The following RTN4IP1 variants were observed in gnomAD, a reference collection of about 807,000 sequenced individuals.
RTN4IP1 encodes the protein NAD(P)H oxidoreductase RTN4IP1, mitochondrial.
Under a neutral mutation model 46.6 loss-of-function variants are expected in RTN4IP1, and 32 were observed. That is an observed-to-expected ratio of 0.69 (90% confidence interval 0.52 to 0.92). The LOEUF (loss-of-function observed/expected upper bound fraction) is 0.92. Ranked by LOEUF, RTN4IP1 falls within the 40% of genes least tolerant of loss-of-function variation. The pLI is 0.00. For missense variants in RTN4IP1, 424 were observed against 485.8 expected, an observed-to-expected ratio of 0.87 and a Z score of 1.20; for synonymous variants, 167 against 161.8, an observed-to-expected ratio of 1.03 and a Z score of -0.24.
chr6:106,574,155 T>C (rs1775159618), intron 8 of RTN4IP1, among the ~76,000 whole-genome samples: 1 of 152,162 alleles, frequency 6.6e-6, no homozygotes, highest in Non-Finnish European at 1.5e-5. Flanking sequence ...AATGCATTGA[T>C]GTTTCTCGGC....
chr6:106,579,682 T>C (rs11153009), intron 8 of RTN4IP1, among the ~76,000 whole-genome samples: 32,679 of 151,990 alleles, frequency 0.22, 4,431 homozygotes, highest in East Asian at 0.3. Flanking sequence ...GTGCTCATTA[T>C]TGTGGATATT....
chr6:106,599,695 T>C (rs955618962), intron 5 of RTN4IP1, among the ~76,000 whole-genome samples: 1 of 152,150 alleles, frequency 6.6e-6, no homozygotes, highest in Non-Finnish European at 1.5e-5. Flanking sequence ...ATTTTACTGT[T>C]GATGGACATT....
chr6:106,599,527 A>G (rs1172667486), intron 5 of RTN4IP1, among the ~76,000 whole-genome samples: 1 of 151,208 alleles, frequency 6.6e-6, no homozygotes, highest in East Asian at 2.0e-4. Flanking sequence ...CTTGTTCTTG[A>G]ATGTCATTAA....
chr6:106,620,443 C>T (rs563783840), intron 3 of RTN4IP1, among the ~76,000 whole-genome samples: 2 of 152,284 alleles, frequency 1.3e-5, no homozygotes, highest in Admixed American at 1.3e-4. Flanking sequence ...TTCTGGGCAA[C>T]AGTAGGCTAT....
chr6:106,576,274 T>A (rs1775223920), intron 8 of RTN4IP1, among the ~76,000 whole-genome samples: 1 of 152,116 alleles, frequency 6.6e-6, no homozygotes, highest in Non-Finnish European at 1.5e-5. Context: ...ATGGGGGAAC[T>A]CTCCAAGGGA....
intron 3 of RTN4IP1, 146 bp downstream of exon 3, chr6:106,621,279 C>G (rs1776480083): frequency 1.6e-6 from 1 of 613,732 alleles, no homozygotes; most frequent in African/African-American, 1.9e-5. Flanking sequence ...CTTTTTTAAT[C>G]TCTCAAAAAT....
In RTN4IP1 at chr6:106,583,374, C is replaced by G. The variant is rs781565176; in HGVS notation, c.1037G>C (p.Ser346Thr). Reference protein sequence around the residue: ...VHYRWAFFMASGPCLDDIAEL... With the variant: ...VHYRWAFFMATGPCLDDIAEL... ...TGCAATGTCATCTAAACATGGGCCACTGGCCATGAAAAATGCCCAGCGATA... is the reference window on the plus strand; with the variant it reads ...TGCAATGTCATCTAAACATGGGCCAGTGGCCATGAAAAATGCCCAGCGATA... The change falls in exon 8 of 9, where the codon AGT becomes ACT. Residue 346 changes from serine (S) to threonine (T), a missense_variant. Ser to Thr is a moderately conservative substitution (Grantham distance 58). Coordinates refer to ENST00000369063, the MANE Select transcript of RTN4IP1 (RefSeq NM_032730.5). The G allele has an allele frequency of 1.2e-6, 2 of 1,613,786 alleles. No homozygotes were observed. The highest frequency in any genetic ancestry group is 8.5e-7 in the Non-Finnish European group (1 of 1,179,784).
At chr6:106,625,661 CTTT>C (rs773454257) in intron 1 of RTN4IP1, among the ~76,000 whole-genome samples, 2 of 112,794 alleles carry the variant, frequency 1.8e-5, no homozygotes, top group Non-Finnish European at 3.6e-5. Flanking sequence ...TCTTTTTTTT[CTTT>C]TTTTTTTTTT....
intron 5 of RTN4IP1, among the ~76,000 whole-genome samples, chr6:106,595,413 T>G (rs1262792037): frequency 6.6e-6 from 1 of 152,210 alleles, no homozygotes; most frequent in Non-Finnish European, 1.5e-5. Flanking sequence ...TGTCAATGCT[T>G]AATACCCATA....
intron 5 of RTN4IP1, among the ~76,000 whole-genome samples, chr6:106,597,852 C>T (rs1422213909): frequency 1.3e-5 from 2 of 152,070 alleles, no homozygotes; most frequent in Non-Finnish European, 2.9e-5. Flanking sequence ...CCGCTCCCCG[C>T]ACCCCACCAC....
intron 8 of RTN4IP1, among the ~76,000 whole-genome samples, chr6:106,573,899 G>A (rs1401362011): frequency 1.3e-5 from 2 of 152,204 alleles, no homozygotes; most frequent in African/African-American, 2.4e-5. Flanking sequence ...TCGACCCTGT[G>A]TCCAGGCCAC....
intron 4 of RTN4IP1, among the ~76,000 whole-genome samples, chr6:106,615,691 A>G (rs1776334670): frequency 6.6e-6 from 1 of 152,150 alleles, no homozygotes. Flanking sequence ...CCGGCAAGAC[A>G]TGAATTTCAG....
chr6:106,574,979 G>A (rs1204836874), intron 8 of RTN4IP1, among the ~76,000 whole-genome samples: 1 of 152,202 alleles, frequency 6.6e-6, no homozygotes, highest in Admixed American at 6.5e-5. Flanking sequence ...TGGAAAAAAA[G>A]GTTTCAAATT....
chr6:106,628,609 G>T (rs1171462392), intron 1 of RTN4IP1, 139 bp downstream of exon 1: 7 of 794,306 alleles, frequency 8.8e-6, no homozygotes, highest in Non-Finnish European at 9.6e-6. Context: ...AAAAATTTTG[G>T]AAATATTTGC....
intron 1 of RTN4IP1, among the ~76,000 whole-genome samples, chr6:106,628,474 A>G (rs527461560): frequency 6.6e-6 from 1 of 152,276 alleles, no homozygotes; most frequent in Non-Finnish European, 1.5e-5. Flanking sequence ...TCTCAAAAAA[A>G]AAAAAGTTAG....
At chr6:106,586,028 A>G (rs1224268542) in intron 7 of RTN4IP1, among the ~76,000 whole-genome samples, 2 of 152,186 alleles carry the variant, frequency 1.3e-5, no homozygotes, top group Non-Finnish European at 2.9e-5. Context: ...AATCAAATGA[A>G]AATAAAGAAC....
intron 5 of RTN4IP1, among the ~76,000 whole-genome samples, chr6:106,601,426 T>C (rs1775945941): frequency 6.6e-6 from 1 of 152,142 alleles, no homozygotes; most frequent in Non-Finnish European, 1.5e-5. Flanking sequence ...TTTGATGAAT[T>C]TTTTTCTTTG....
At chr6:106,615,216 G>A (rs76090516) in intron 4 of RTN4IP1, among the ~76,000 whole-genome samples, 2,900 of 152,148 alleles carry the variant, frequency 0.019, 74 homozygotes, top group African/African-American at 0.068. Flanking sequence ...AGGTGGTGGT[G>A]GGGTGAAGAA....
upstream of RTN4IP1, chr6:106,629,537 C>A: frequency 9.7e-7 from 1 of 1,034,152 alleles, no homozygotes; most frequent in Non-Finnish European, 1.4e-6. Context: ...TTTCCTCGGG[C>A]TGCAATTCAA....
Sources: allele counts gnomAD v4.1 joint callset (sites outside exome capture counted in the v4.1 genomes callset), GRCh38; gene constraint gnomAD v4.1.1; transcripts MANE v1.5; gene names NCBI Gene and HGNC (gene_info 2026-07-23, HGNC 2026-07-21).